AK9: variants seen among roughly 807,000 people sequenced by gnomAD.
AK9 encodes the protein adenylate kinase domain containing 1.
AK9 carries 191 observed loss-of-function variants against 239.6 expected under a neutral mutation model. That is an observed-to-expected ratio of 0.80 (90% CI 0.71 to 0.90). The LOEUF (loss-of-function observed/expected upper bound fraction) is 0.90. AK9 is among the 40% of genes least tolerant of loss of function. The probability of loss-of-function intolerance (pLI) is 0.00; values close to 1 mark genes in which losing one functional copy is unlikely to be tolerated. For missense variants in AK9, 1,995 were observed against 2,214.7 expected, an observed-to-expected ratio of 0.90 and a Z score of 1.99; for synonymous variants, 689 against 721.0, an observed-to-expected ratio of 0.96 and a Z score of 0.71.
chr6:109,497,677 T>C (rs1007982861), intron 37 of AK9, 114 bp from the exon 38 acceptor site: 41 of 1,373,034 alleles, frequency 3.0e-5, no homozygotes, highest in Non-Finnish European at 3.9e-5. Flanking sequence ...AAGGAAGAAA[T>C]AGAATATTTT....
chr6:109,678,830 C>T (rs944620893), intron 1 of AK9, among the ~76,000 whole-genome samples: 3 of 151,990 alleles, frequency 2.0e-5, no homozygotes, highest in African/African-American at 4.8e-5. Context: ...GGTGAGGCAT[C>T]GCCTCACCCA....
At chr6:109,554,811 C>T (rs1033124467) in intron 24 of AK9, among the ~76,000 whole-genome samples, 5 of 152,116 alleles carry the variant, frequency 3.3e-5, no homozygotes, top group African/African-American at 9.7e-5. Flanking sequence ...GGAGTGCAGG[C>T]GTGAACCACC....
intron 17 of AK9, among the ~76,000 whole-genome samples, chr6:109,601,589 T>G (rs1189947531): frequency 1.3e-5 from 2 of 152,200 alleles, no homozygotes; most frequent in Non-Finnish European, 1.5e-5. Flanking sequence ...TAGATGTCTA[T>G]TAGGTCCACT....
intron 17 of AK9, among the ~76,000 whole-genome samples, chr6:109,587,178 A>T (rs1053328751): frequency 6.6e-6 from 1 of 152,226 alleles, no homozygotes; most frequent in African/African-American, 2.4e-5. Context: ...AATGTTTAAC[A>T]TAAGAGAATT....
At chr6:109,621,832 T>C (rs1328305661) in intron 12 of AK9, among the ~76,000 whole-genome samples, 1 of 132,396 alleles carries the variant, frequency 7.6e-6, no homozygotes, top group Non-Finnish European at 1.6e-5. Flanking sequence ...GCATGGCACA[T>C]GTATACATAT....
At chr6:109,540,175 T>C (rs1253165074) in intron 27 of AK9, among the ~76,000 whole-genome samples, 6 of 152,194 alleles carry the variant, frequency 3.9e-5, no homozygotes, top group South Asian at 2.1e-4. Context: ...TGCTGCCTTT[T>C]GTTTGGCTAT....
At chr6:109,600,282 C>T (rs1194479572) in intron 17 of AK9, among the ~76,000 whole-genome samples, 1 of 152,162 alleles carries the variant, frequency 6.6e-6, no homozygotes, top group East Asian at 1.9e-4. Context: ...GAGTTTTTAG[C>T]ATGAAGGGCT....
intron 13 of AK9, among the ~76,000 whole-genome samples, chr6:109,618,444 A>AC (rs1486913461): frequency 6.6e-6 from 1 of 151,722 alleles, no homozygotes; most frequent in Non-Finnish European, 1.5e-5. Context: ...AAAAAAACAA[A>AC]ACGCTTTTTG....
chr6:109,610,002 G>A (rs944649330), intron 17 of AK9, among the ~76,000 whole-genome samples: 4 of 152,010 alleles, frequency 2.6e-5, no homozygotes, highest in African/African-American at 9.7e-5. Context: ...GTCAAAATTT[G>A]TCTTGGCTTA....
chr6:109,663,158 A>T (rs191781321), intron 5 of AK9, among the ~76,000 whole-genome samples: 69 of 152,282 alleles, frequency 4.5e-4, no homozygotes, highest in Middle Eastern at 3.4e-3. Context: ...TAAACAGCCA[A>T]TATGATTTTG....
rs78861175 is a variant in AK9 at position 109,584,165 on chromosome 6, G to A, written c.2114+958C>T. On this transcript the variant is annotated intron_variant, in intron 19 of 40. Transcript: ENST00000424296. ...TTCTAAAGGAGTGACTAGCTTAAAT[G>A]AATAATGAACACTAAAAAATAAAAT... Among the ~76,000 whole-genome samples, 407 of 152,176 alleles carry A rather than the reference G, an allele frequency of 2.7e-3. 10 individuals carry two copies. In the East Asian group the frequency reaches 0.067, roughly 25 times the overall value.
chr6:109,503,854 G>T (rs1777837820), intron 35 of AK9, among the ~76,000 whole-genome samples: 1 of 152,168 alleles, frequency 6.6e-6, no homozygotes, highest in African/African-American at 2.4e-5. Flanking sequence ...TCAATGACAG[G>T]CTGATGCGAG....
rs184558033 is a variant in AK9, at chr6:109,567,822, T to A, written c.2345-2977A>T. On this transcript the variant is annotated intron_variant, in intron 21 of 40. Transcript: ENST00000424296. Reference sequence around the variant, plus strand: ...GGGTGCAGCACACCAACATGGCACATGTATACATATGTAACAAACCTGCAC... The same window carrying A: ...GGGTGCAGCACACCAACATGGCACAAGTATACATATGTAACAAACCTGCAC... Among the ~76,000 whole-genome samples, 130 of 149,460 alleles carry A rather than the reference T, an allele frequency of 8.7e-4. 1 individual carries two copies. The highest frequency in any genetic ancestry group is 3.1e-3 in the African/African-American group (124 of 40,508).
intron 6 of AK9, chr6:109,660,942 C>T (rs373699789): frequency 1.5e-4 from 78 of 507,634 alleles, no homozygotes; most frequent in Non-Finnish European, 2.5e-4. Context: ...TTTGGTAGCA[C>T]AGAATCCTTT....
intron 26 of AK9, among the ~76,000 whole-genome samples, chr6:109,545,246 C>G (rs1367309642): frequency 6.6e-6 from 1 of 152,056 alleles, no homozygotes; most frequent in Non-Finnish European, 1.5e-5. Context: ...TTGAGACCAG[C>G]CTGGGCAACA....
intron 19 of AK9, among the ~76,000 whole-genome samples, chr6:109,581,181 G>A (rs1208124142): frequency 3.3e-5 from 5 of 151,904 alleles, no homozygotes; most frequent in Non-Finnish European, 5.9e-5. Context: ...TATTCTCTAA[G>A]ACACAATACT....
chr6:109,641,106 CAAATT>C (rs1043219966), intron 10 of AK9, among the ~76,000 whole-genome samples: 2 of 149,016 alleles, frequency 1.3e-5, no homozygotes, highest in Non-Finnish European at 3.0e-5. Flanking sequence ...TAAAAGAATA[CAAATT>C]AAGGCCACAA....
At chr6:109,644,815 T>C (rs1370548165) in intron 8 of AK9, 127 bp from the exon 9 acceptor site, 1 of 618,040 alleles carries the variant, frequency 1.6e-6, no homozygotes, top group Non-Finnish European at 2.5e-6. Flanking sequence ...TGCTATAATG[T>C]ATGTTATTTT....
chr6:109,612,333 A>C (rs1793674425), intron 15 of AK9, among the ~76,000 whole-genome samples: 2 of 152,206 alleles, frequency 1.3e-5, no homozygotes, highest in Admixed American at 1.3e-4. Flanking sequence ...AGAAAAAAAC[A>C]ATCAACAGTG....
Sources: allele counts gnomAD v4.1 joint callset (sites outside exome capture counted in the v4.1 genomes callset), GRCh38; gene constraint gnomAD v4.1.1; transcripts MANE v1.5; gene names NCBI Gene and HGNC (gene_info 2026-07-23, HGNC 2026-07-21).